TCF20: variants seen among roughly 807,000 people sequenced by gnomAD.
TCF20 encodes the protein SPRE-binding protein.
A neutral mutation model predicts 148.6 loss-of-function variants in TCF20; 3 were observed. The observed-to-expected ratio is 0.02, with a 90% CI of 0.01 to 0.05. TCF20 has a LOEUF of 0.05. Ranked by LOEUF, TCF20 falls within the 10% of genes least tolerant of loss-of-function variation. TCF20 has a pLI of 1.00. For synonymous variants in TCF20, 1,049 were observed against 909.5 expected (o/e 1.15, Z -2.76); for missense variants, 2,350 against 2,429.3 (o/e 0.97, Z 0.69).
At chr22:42,222,786 C>T (rs574140761) in intron 1 of TCF20, among the ~76,000 whole-genome samples, 3 of 152,318 alleles carry the variant, frequency 2.0e-5, no homozygotes, top group East Asian at 1.9e-4. Context: ...GTTGGCTTTA[C>T]CTTGCTTAGT....
chr22:42,254,062 G>A (rs1318576907), intron 1 of TCF20, among the ~76,000 whole-genome samples: 1 of 100,496 alleles, frequency 1.0e-5, no homozygotes, highest in African/African-American at 4.0e-5. Flanking sequence ...GGCAACAAGA[G>A]CAAAACTCCC....
chr22:42,329,797 C>T (rs1301512344), intron 1 of TCF20, among the ~76,000 whole-genome samples: 1 of 152,144 alleles, frequency 6.6e-6, no homozygotes, highest in African/African-American at 2.4e-5. Flanking sequence ...CCACTCCCCC[C>T]ACCGAGTCCC....
intron 1 of TCF20, among the ~76,000 whole-genome samples, chr22:42,237,033 G>C (rs1429701524): frequency 6.6e-6 from 1 of 150,896 alleles, no homozygotes; most frequent in Non-Finnish European, 1.5e-5. Flanking sequence ...GGCTGAGGTG[G>C]CTGTGGCAAA....
At chr22:42,239,822 G>A (rs530676644) in intron 1 of TCF20, among the ~76,000 whole-genome samples, 89 of 152,146 alleles carry the variant, frequency 5.8e-4, no homozygotes, top group Non-Finnish European at 1.1e-3. Flanking sequence ...TGAATAAAAT[G>A]TTTAAAATAT....
chr22:42,261,556 T>G (rs911198736), intron 1 of TCF20, among the ~76,000 whole-genome samples: 1 of 145,320 alleles, frequency 6.9e-6, no homozygotes, highest in African/African-American at 2.8e-5. Flanking sequence ...TCATTCTACA[T>G]TTTTTTTTTT....
chr22:42,215,467 AT>A (rs371005582), intron 1 of TCF20, 126 bp from the exon 2 acceptor site: 71,458 of 897,944 alleles, frequency 0.08, no homozygotes, highest in South Asian at 0.12. Context: ...TTGAATTTCT[AT>A]TTTTTTTTTT....
Position 42,270,611 on chromosome 22 carries a change from T to G in TCF20, c.-309A>C, listed in dbSNP as rs567793912. On this transcript the variant is annotated 5_prime_UTR_variant, in exon 1 of 6. Coordinates refer to ENST00000677622, the MANE Select transcript of TCF20 (RefSeq NM_001378418.1). Reference sequence around the variant, plus strand: ...TCGCAGGGGCCGAAAGCGGCTGGGCTCGGGGTTTTTTCTCTCCATTCTCCC... The same window carrying G: ...TCGCAGGGGCCGAAAGCGGCTGGGCGCGGGGTTTTTTCTCTCCATTCTCCC... Among the ~76,000 whole-genome samples, 173 of 143,800 alleles carry G rather than the reference T, an allele frequency of 1.2e-3. No individual in the cohort carries two copies. The highest frequency in any genetic ancestry group is 3.6e-3 in the Middle Eastern group (1 of 276). The allele number at this position is 143,800 out of a possible 152,430, so 94.3% of individuals were successfully genotyped here.
At chr22:42,273,717 A>G (rs1347219896), upstream of TCF20, among the ~76,000 whole-genome samples, 1 of 152,070 alleles carries the variant, frequency 6.6e-6, no homozygotes, top group Non-Finnish European at 1.5e-5. Flanking sequence ...CTCAAAAATT[A>G]CTTATTGAAC....
At chr22:42,239,683 G>A (rs1455951414) in intron 1 of TCF20, among the ~76,000 whole-genome samples, 2 of 152,130 alleles carry the variant, frequency 1.3e-5, no homozygotes, top group Non-Finnish European at 2.9e-5. Flanking sequence ...AGCTACTCAC[G>A]AGGCTGAGGG....
intron 1 of TCF20, among the ~76,000 whole-genome samples, chr22:42,301,704 C>T (rs1382005556): frequency 6.6e-6 from 1 of 152,204 alleles, no homozygotes. Context: ...GCAATGTTTG[C>T]AGGCTGGGGA....
chr22:42,284,566 C>T (rs965139300), upstream of TCF20, among the ~76,000 whole-genome samples: 36 of 152,232 alleles, frequency 2.4e-4, no homozygotes, highest in African/African-American at 8.4e-4. Flanking sequence ...GCCTGAAGGG[C>T]TAGCTGGGCA....
At chr22:42,237,307 G>C (rs991818126) in intron 1 of TCF20, among the ~76,000 whole-genome samples, 1 of 152,108 alleles carries the variant, frequency 6.6e-6, no homozygotes. Flanking sequence ...CACTTTCTTT[G>C]CTCATCCATA....
chr22:42,301,877 G>A (rs909364046), intron 1 of TCF20, among the ~76,000 whole-genome samples: 3 of 152,228 alleles, frequency 2.0e-5, no homozygotes, highest in African/African-American at 4.8e-5. Context: ...TTGGCTGGAC[G>A]GCCACGGGGG....
At chr22:42,240,857 C>CTT (rs770589433) in intron 1 of TCF20, among the ~76,000 whole-genome samples, 1 of 147,362 alleles carries the variant, frequency 6.8e-6, no homozygotes. Context: ...AAATCTTCAA[C>CTT]TTTTTTTTTT....
At chr22:42,327,550 C>G (rs542530183) in intron 1 of TCF20, among the ~76,000 whole-genome samples, 1 of 152,106 alleles carries the variant, frequency 6.6e-6, no homozygotes, top group African/African-American at 2.4e-5. Flanking sequence ...CAGGGCACCT[C>G]GCACAGACAC....
At chr22:42,327,840 C>G (rs1358349618) in intron 1 of TCF20, among the ~76,000 whole-genome samples, 1 of 151,466 alleles carries the variant, frequency 6.6e-6, no homozygotes, top group East Asian at 1.9e-4. Context: ...CCCTCAGATC[C>G]TCTTGCTCAA....
At position 42,215,107 on chromosome 22, in the gene TCF20, C is replaced by T; in HGVS notation, c.199G>A (p.Ala67Thr). 1 of 1,614,182 alleles carries T rather than the reference C, an allele frequency of 6.2e-7. No individual in the cohort carries two copies. The highest frequency in any genetic ancestry group is 8.5e-7 in the Non-Finnish European group (1 of 1,180,008). ...CCAGAGGTCTCGCTAGCCATCGCTG[C>T]CGCAGCAGCTGCTGCTCCTCGTCGT... ...GGRRGAAAAA[A>T]AMASETSGHQ... The change falls in exon 2 of 6, where the codon GCA (alanine) becomes ACA (threonine). Residue 67 changes from alanine to threonine, a missense_variant. Coordinates refer to ENST00000677622, the MANE Select transcript of TCF20 (RefSeq NM_001378418.1).
At chr22:42,261,658 GA>G (rs1926034654) in intron 1 of TCF20, among the ~76,000 whole-genome samples, 1 of 152,048 alleles carries the variant, frequency 6.6e-6, no homozygotes, top group Admixed American at 6.5e-5. Context: ...TGAAGGATGA[GA>G]AAAAGGCTAG....
intron 1 of TCF20, among the ~76,000 whole-genome samples, chr22:42,236,500 CCCCACAGAGGGACA>C (rs1923900461): frequency 6.6e-6 from 1 of 152,154 alleles, no homozygotes. Context: ...TCCCCACCCT[CCCCACAGAGGGACA>C]GTGGCCTGAC....
Sources: allele counts gnomAD v4.1 joint callset (sites outside exome capture counted in the v4.1 genomes callset), GRCh38; gene constraint gnomAD v4.1.1; transcripts MANE v1.5; gene names NCBI Gene and HGNC (gene_info 2026-07-23, HGNC 2026-07-21).